Variants in USP34 observed in about 807,000 individuals in gnomAD.
USP34 encodes ubiquitin carboxyl-terminal hydrolase 34.
A neutral mutation model predicts 460.3 loss-of-function variants in USP34; 70 were observed. The ratio of observed to expected loss-of-function variants is 0.15; its 90% confidence interval spans 0.13 to 0.19. USP34 has a LOEUF of 0.19. Among genes scored for constraint, USP34 ranks in the 10% least tolerant of loss-of-function variants. The probability of loss-of-function intolerance (pLI) is 1.00; values close to 1 mark genes in which losing one functional copy is unlikely to be tolerated. For synonymous variants in USP34, 1,647 were observed against 1,405.3 expected (o/e 1.17, Z -3.85); for missense variants, 3,985 against 4,236.2 (o/e 0.94, Z 1.65).
At chr2:61,441,063 G>C (rs1573044719) in intron 1 of USP34, among the ~76,000 whole-genome samples, 1 of 151,432 alleles carries the variant, frequency 6.6e-6, no homozygotes, top group Non-Finnish European at 1.5e-5. Flanking sequence ...GGGAGGCGGA[G>C]CTTGCAGTGA....
intron 8 of USP34, among the ~76,000 whole-genome samples, chr2:61,375,337 A>G (rs1692759275): frequency 6.6e-6 from 1 of 152,242 alleles, no homozygotes; most frequent in Non-Finnish European, 1.5e-5. Context: ...ACAGTTTGAC[A>G]GCTCCAATGA....
chr2:61,407,975 C>T lies in USP34; in HGVS notation c.132-1847G>A, dbSNP rs546014800. ...ACTAAAAATACAAAAATTAGCCAGG[C>T]GTGGTGGTGGGCACCTGTAATCCCA... On this transcript the variant is annotated intron_variant, in intron 2 of 79. Transcript: ENST00000398571. Among the ~76,000 whole-genome samples, 13 of 152,016 alleles carry T rather than the reference C, an allele frequency of 8.6e-5. No homozygotes were observed. In the South Asian group the frequency reaches 2.1e-3, roughly 24 times the overall value.
chr2:61,368,505 TAAG>T (rs771277386), intron 10 of USP34, among the ~76,000 whole-genome samples: 7 of 151,578 alleles, frequency 4.6e-5, no homozygotes, highest in Non-Finnish European at 1.0e-4. Context: ...CCACAGACTA[TAAG>T]TTTACCAATC....
chr2:61,291,738 A>T (rs907957053), intron 33 of USP34, among the ~76,000 whole-genome samples: 1 of 152,212 alleles, frequency 6.6e-6, no homozygotes, highest in Non-Finnish European at 1.5e-5. Flanking sequence ...TTGGCAAGGT[A>T]TACCACTCCT....
At chr2:61,388,665 AGAAT>A (rs541230717) in intron 5 of USP34, among the ~76,000 whole-genome samples, 105 of 152,176 alleles carry the variant, frequency 6.9e-4, no homozygotes, top group Non-Finnish European at 9.9e-4. Context: ...CTGATGCAAG[AGAAT>A]GGTGTGAACC....
chr2:61,279,762 C>T (rs953576826), intron 39 of USP34, among the ~76,000 whole-genome samples: 7 of 152,148 alleles, frequency 4.6e-5, no homozygotes, highest in African/African-American at 1.7e-4. Flanking sequence ...CTGCACCTGG[C>T]CTGAAATTTA....
intron 16 of USP34, among the ~76,000 whole-genome samples, chr2:61,341,171 G>A (rs904723279): frequency 1.3e-5 from 2 of 152,152 alleles, no homozygotes; most frequent in Non-Finnish European, 2.9e-5. Context: ...TGTGTCTGTA[G>A]TTCTTTCCTT....
chr2:61,241,935 G>C (rs1688274215), intron 51 of USP34, 116 bp from the exon 52 acceptor site: 1 of 569,018 alleles, frequency 1.8e-6, no homozygotes, highest in Non-Finnish European at 3.0e-6. Context: ...TTTGTAAGTA[G>C]TTTTCAAACA....
chr2:61,227,745 AAC>A (rs1177449792), intron 61 of USP34, among the ~76,000 whole-genome samples: 1 of 151,904 alleles, frequency 6.6e-6, no homozygotes, highest in African/African-American at 2.4e-5. Context: ...ACAAAAAAAA[AAC>A]AAAAAACCTC....
At chr2:61,325,325 C>T (rs1320797829) in intron 21 of USP34, 50 bp downstream of exon 21, 2 of 1,218,886 alleles carry the variant, frequency 1.6e-6, no homozygotes, top group Non-Finnish European at 2.3e-6. Context: ...AAATTTAGTT[C>T]TTCCAATAGT....
chr2:61,379,901 A>T (rs1024688366), intron 7 of USP34, among the ~76,000 whole-genome samples: 3 of 152,244 alleles, frequency 2.0e-5, no homozygotes, highest in Admixed American at 1.3e-4. Flanking sequence ...ATAAAAACCT[A>T]AATAGTTTAA....
intron 23 of USP34, among the ~76,000 whole-genome samples, chr2:61,316,972 T>G (rs1690770223): frequency 6.6e-6 from 1 of 152,200 alleles, no homozygotes; most frequent in African/African-American, 2.4e-5. Flanking sequence ...GATACAAGTA[T>G]TCTTTTTTCT....
chr2:61,257,164 T>G (rs925567312), intron 45 of USP34, 40 bp downstream of exon 45: 7 of 1,581,528 alleles, frequency 4.4e-6, no homozygotes, highest in African/African-American at 2.7e-5. Context: ...GGCAAATTTG[T>G]TCAAATTTCA....
At chr2:61,189,127 G>A (rs1363226374) in intron 78 of USP34, 58 bp from the exon 79 acceptor site, 3 of 1,539,628 alleles carry the variant, frequency 1.9e-6, no homozygotes, top group South Asian at 1.2e-5. Flanking sequence ...TGATGCAGTT[G>A]TTTACAGTTA....
intron 67 of USP34, among the ~76,000 whole-genome samples, chr2:61,219,885 TCTAC>T (rs2103805944): frequency 6.6e-6 from 1 of 152,176 alleles, no homozygotes; most frequent in Non-Finnish European, 1.5e-5. Context: ...TTGATATGTG[TCTAC>T]CTGTCTAAGA....
intron 53 of USP34, among the ~76,000 whole-genome samples, chr2:61,239,775 G>A (rs1314200615): frequency 6.6e-6 from 1 of 152,122 alleles, no homozygotes; most frequent in South Asian, 2.1e-4. Flanking sequence ...TTGGGAGGCC[G>A]AGATGGGCGG....
At chr2:61,452,691 C>T (rs1377558031) in intron 1 of USP34, among the ~76,000 whole-genome samples, 1 of 151,284 alleles carries the variant, frequency 6.6e-6, no homozygotes, top group African/African-American at 2.4e-5. Context: ...CGAGACCCAC[C>T]TGGGAAACAC....
rs142153891 is a variant in USP34 at position 61,210,938 on chromosome 2, A to G, written c.8840+834T>C. On this transcript the variant is annotated intron_variant, in intron 69 of 79. Transcript: ENST00000398571. Reference sequence around the variant, plus strand: ...TTTACTATGTTGCCCAGGCTGCTCTAAATCTTTTTTGAAATAAAGCTTTAA... The same window carrying G: ...TTTACTATGTTGCCCAGGCTGCTCTGAATCTTTTTTGAAATAAAGCTTTAA... Among the ~76,000 whole-genome samples the G allele has an allele frequency of 1.8e-3, 267 of 152,296 alleles. 1 individual carries two copies. Among genetic ancestry groups the G allele is most frequent in the African/African-American group, 6.2e-3 (259 of 41,556 alleles).
chr2:61,381,312 G>T (rs568782360), intron 6 of USP34, among the ~76,000 whole-genome samples: 1 of 151,680 alleles, frequency 6.6e-6, no homozygotes, highest in African/African-American at 2.4e-5. Context: ...CCAGAGAACT[G>T]TGAGAAATGA....
Sources: gnomAD v4.1 joint callset for allele counts (sites outside exome capture counted in the v4.1 genomes callset) on GRCh38, gnomAD v4.1.1 for gene constraint, MANE v1.5 for transcripts, NCBI Gene and HGNC (gene_info 2026-07-23, HGNC 2026-07-21) for gene names.